C8orf89: variants seen among roughly 807,000 people sequenced by gnomAD.
The protein encoded by C8orf89 is chromosome 8 open reading frame 89.
Under a neutral mutation model 15.8 loss-of-function variants are expected in C8orf89, and 14 were observed. The ratio of observed to expected loss-of-function variants is 0.89; its 90% CI spans 0.59 to 1.39. The LOEUF is 1.39. Among genes scored for constraint, C8orf89 ranks in the 40% most tolerant of loss-of-function variants. The probability of loss-of-function intolerance (pLI) is 0.00; values close to 1 mark genes in which losing one functional copy is unlikely to be tolerated. For missense variants in C8orf89, 181 were observed against 184.5 expected (o/e 0.98, Z 0.11); for synonymous variants, 55 against 62.2 (o/e 0.88, Z 0.54).
At chr8:73,256,921 T>C (rs1343882036) in intron 2 of C8orf89, 52 bp downstream of exon 2, 25 of 1,369,244 alleles carry the variant, frequency 1.8e-5, no homozygotes, top group Non-Finnish European at 2.4e-5. Flanking sequence ...CATTCAGCAG[T>C]ATTACTACAA....
At chr8:73,244,616 T>C (rs1034258161) in intron 3 of C8orf89, among the ~76,000 whole-genome samples, 4 of 152,100 alleles carry the variant, frequency 2.6e-5, no homozygotes, top group African/African-American at 9.7e-5. Context: ...TCTTCAATTC[T>C]CCAGTGTAGT....
the C8orf89 span, among the ~76,000 whole-genome samples, chr8:73,266,651 A>G: frequency 1.3e-5 from 2 of 152,350 alleles, no homozygotes; most frequent in South Asian, 4.1e-4. Context: ...TTTAAGATCA[A>G]TAAGATTAAG....
At chr8:73,277,460 G>T in the C8orf89 span, 1 of 1,047,048 alleles carries the variant, frequency 9.6e-7, no homozygotes, top group Non-Finnish European at 1.4e-6. Flanking sequence ...TTTTCTCGGT[G>T]CTCGAGAAGA....
At chr8:73,277,768 C>T in the C8orf89 span, 1 of 740,544 alleles carries the variant, frequency 1.4e-6, no homozygotes, top group Admixed American at 1.7e-5. Flanking sequence ...GACAGATCCG[C>T]AGCTTCCCCT....
chr8:73,279,908 A>G, the C8orf89 span, among the ~76,000 whole-genome samples: 7 of 152,220 alleles, frequency 4.6e-5, no homozygotes, highest in Non-Finnish European at 1.0e-4. Flanking sequence ...ATCAACCACC[A>G]GACATGTGAG....
At chr8:73,248,834 T>C (rs565683675) in intron 3 of C8orf89, among the ~76,000 whole-genome samples, 94 of 152,288 alleles carry the variant, frequency 6.2e-4, no homozygotes, top group Admixed American at 2.0e-3. Context: ...CTTAAGGAGC[T>C]TTTGGGCCAA....
chr8:73,260,199 C>G (rs7830748), upstream of C8orf89, among the ~76,000 whole-genome samples: 13,688 of 152,160 alleles, frequency 0.09, 1,362 homozygotes, highest in African/African-American at 0.25. Context: ...ACAGTCCCTG[C>G]CCTTGAGAAG....
the C8orf89 span, among the ~76,000 whole-genome samples, chr8:73,275,705 G>A: frequency 6.6e-6 from 1 of 151,936 alleles, no homozygotes; most frequent in African/African-American, 2.4e-5. Flanking sequence ...CTTATTTGTA[G>A]TGCTTTATAT....
chr8:73,261,617 G>A (rs980841293), upstream of C8orf89, among the ~76,000 whole-genome samples: 2 of 152,196 alleles, frequency 1.3e-5, no homozygotes, highest in African/African-American at 4.8e-5. Context: ...TAAAAATAAA[G>A]GAGGGAAAGT....
At chr8:73,265,846 T>C in the C8orf89 span, among the ~76,000 whole-genome samples, 1 of 152,190 alleles carries the variant, frequency 6.6e-6, no homozygotes, top group Non-Finnish European at 1.5e-5. Flanking sequence ...GTACCTGACA[T>C]CATCATGCTC....
upstream of C8orf89, among the ~76,000 whole-genome samples, chr8:73,262,560 T>TA (rs1213172496): frequency 2.0e-5 from 3 of 152,128 alleles, no homozygotes; most frequent in Non-Finnish European, 4.4e-5. Context: ...CTCACACATG[T>TA]AATCCCAGCA....
At chr8:73,252,871 G>A (rs1459771376) in intron 2 of C8orf89, among the ~76,000 whole-genome samples, 1 of 152,196 alleles carries the variant, frequency 6.6e-6, no homozygotes, top group Non-Finnish European at 1.5e-5. Context: ...GCCGGGCACG[G>A]TGGCTCACGC....
upstream of C8orf89, among the ~76,000 whole-genome samples, chr8:73,262,749 C>G (rs1208285555): frequency 1.3e-5 from 2 of 150,848 alleles, no homozygotes; most frequent in Non-Finnish European, 2.9e-5. Flanking sequence ...CCCAGGAGTT[C>G]TAGGCTGCAG....
intron 3 of C8orf89, among the ~76,000 whole-genome samples, chr8:73,247,864 C>G (rs1163808366): frequency 6.6e-6 from 1 of 152,094 alleles, no homozygotes; most frequent in African/African-American, 2.4e-5. Flanking sequence ...GCAGAGTTTG[C>G]AAAATTTTTC....
chr8:73,272,354 A>G, the C8orf89 span, among the ~76,000 whole-genome samples: 62,247 of 151,940 alleles, frequency 0.41, 13,138 homozygotes, highest in South Asian at 0.6. Context: ...TATTATTGTA[A>G]TCATAATAAA....
At chr8:73,253,659 A>G (rs934814626) in intron 2 of C8orf89, among the ~76,000 whole-genome samples, 2 of 151,544 alleles carry the variant, frequency 1.3e-5, no homozygotes, top group African/African-American at 4.9e-5. Context: ...CACGTCCCTT[A>G]TAAGTTGGAT....
the C8orf89 span, among the ~76,000 whole-genome samples, chr8:73,273,426 C>T: frequency 6.6e-6 from 1 of 152,232 alleles, no homozygotes; most frequent in Non-Finnish European, 1.5e-5. Context: ...CCTGGCTGGG[C>T]GTGTGCTCGC....
In C8orf89 at chr8:73,250,205, T is replaced by A. The variant is rs76322204; in HGVS notation, c.337+63A>T. Reference sequence around the variant, plus strand: ...TCAATGAAAAGAAAGGAATTTTTTTTAAAAAAAGATAAGGTATATGACACC... The same window carrying A: ...TCAATGAAAAGAAAGGAATTTTTTTAAAAAAAAGATAAGGTATATGACACC... On this transcript the variant is annotated intron_variant, in intron 3 of 3. Transcript: ENST00000624510. The A allele has an allele frequency of 6.9e-3, 6,904 of 1,003,710 alleles. 66 individuals are homozygous for A. The highest frequency in any genetic ancestry group is 0.033 in the African/African-American group (1,963 of 60,394). 62.2% of individuals were successfully genotyped at this position (1,003,710 alleles called of 1,614,324 possible). A position where few individuals can be genotyped will look rare whatever the true frequency, so the allele number is the denominator to read the frequency against.
the C8orf89 span, among the ~76,000 whole-genome samples, chr8:73,266,711 C>T: frequency 6.6e-6 from 1 of 152,114 alleles, no homozygotes; most frequent in Non-Finnish European, 1.5e-5. Context: ...ATTATACAGG[C>T]TTTTATTTAA....
Sources: allele counts gnomAD v4.1 joint callset (sites outside exome capture counted in the v4.1 genomes callset), GRCh38; gene constraint gnomAD v4.1.1; transcripts MANE v1.5; gene names NCBI Gene and HGNC (gene_info 2026-07-23, HGNC 2026-07-21).